NIBAN2: variants seen among roughly 807,000 people sequenced by gnomAD.
NIBAN2 encodes the protein niban apoptosis regulator 2.
In NIBAN2, 36 loss-of-function variants were observed where a neutral mutation model predicts 81.8. The ratio of observed to expected loss-of-function variants is 0.44; its 90% CI spans 0.34 to 0.58. The LOEUF is 0.58. Ranked by LOEUF, NIBAN2 falls within the 20% of genes least tolerant of loss-of-function variation. The pLI, the probability that NIBAN2 is intolerant of heterozygous loss-of-function variation, is 0.02. For missense variants in NIBAN2, 897 were observed against 1,014.1 expected (o/e 0.88, Z 1.57); for synonymous variants, 445 against 441.6 (o/e 1.01, Z -0.10).
At chr9:127,579,010 A>G, upstream of NIBAN2, 2 of 1,399,306 alleles carry the variant, frequency 1.4e-6, no homozygotes, top group African/African-American at 1.5e-5. Flanking sequence ...CGTCCTTGAG[A>G]GCTGTTTGCT....
chr9:127,531,189 AT>A (rs869064584), intron 2 of NIBAN2, among the ~76,000 whole-genome samples: 1 of 150,518 alleles, frequency 6.6e-6, no homozygotes. Flanking sequence ...AAAAAAAAAA[AT>A]TGAATAAGCC....
At chr9:127,551,544 T>A (rs2491104) in intron 1 of NIBAN2, among the ~76,000 whole-genome samples, 26,070 of 145,852 alleles carry the variant, frequency 0.18, 2,593 homozygotes, top group Non-Finnish European at 0.24. Context: ...AATAAAAATA[T>A]AAATAAATAA....
chr9:127,548,183 G>A (rs1299407459), intron 1 of NIBAN2, among the ~76,000 whole-genome samples: 1 of 152,134 alleles, frequency 6.6e-6, no homozygotes, highest in Non-Finnish European at 1.5e-5. Context: ...GACATGCTTG[G>A]GGTCCAATCT....
At chr9:127,571,640 G>A (rs1837946939), upstream of NIBAN2, among the ~76,000 whole-genome samples, 3 of 152,038 alleles carry the variant, frequency 2.0e-5, no homozygotes, top group Non-Finnish European at 4.4e-5. Flanking sequence ...AGGTTGCAGT[G>A]AGCCAAGATC....
rs1375200071 is a variant in NIBAN2 at position 127,517,829 on chromosome 9, C to T, written c.702G>A (p.Val234=). The T allele has an allele frequency of 1.2e-6, 2 of 1,612,786 alleles. No homozygotes were observed. Among genetic ancestry groups the T allele is most frequent in the South Asian group, 2.2e-5 (2 of 90,886 alleles). The part of the protein sequence containing the change: ...GTWEMLCGNE[V]QILSNLVMEE... Reference sequence around the variant, plus strand: ...TCACCAGCCCGTCTGGCCTCACCTGCACCTCGTTCCCACACAGCATCTCCC... The same window carrying T: ...TCACCAGCCCGTCTGGCCTCACCTGTACCTCGTTCCCACACAGCATCTCCC... The change falls in exon 6 of 14, where the codon GTG becomes GTA. Residue 234 remains valine (V), a synonymous_variant. Transcript: ENST00000373312. The surrounding 1 kb of genome is among the most constrained non-coding windows in gnomAD (Gnocchi z 4.0).
At chr9:127,515,773 T>TTGCA (rs1836819001) in intron 8 of NIBAN2, among the ~76,000 whole-genome samples, 1 of 151,436 alleles carries the variant, frequency 6.6e-6, no homozygotes, top group Non-Finnish European at 1.5e-5. Flanking sequence ...AGAGGCAAGG[T>TTGCA]TGCAGTGAGC....
rs1836670533 is a variant in NIBAN2, at chr9:127,508,878, T to C, written c.1317+98A>G. ...AGAGCGTGCCAGGCAAGCGTGGCTA[T>C]GGCATGACGGGACGGAGCAGAAGGG... On this transcript the variant is annotated intron_variant, in intron 10 of 13. Coordinates refer to ENST00000373312, the MANE Select transcript of NIBAN2 (RefSeq NM_022833.4). This position sits in a 1 kb window ranked among gnomAD's most constrained non-coding sequence, Gnocchi z 6.4. The C allele has an allele frequency of 7.3e-7, 1 of 1,368,270 alleles. No individual in the cohort carries two copies. The highest frequency in any genetic ancestry group is 1.4e-5 in the African/African-American group (1 of 69,612). 84.8% of individuals were successfully genotyped at this position (1,368,270 alleles called of 1,614,324 possible).
chr9:127,533,185 G>A lies in NIBAN2; in HGVS notation c.56-1407C>T, dbSNP rs150573984. On this transcript the variant is annotated intron_variant, in intron 1 of 13. Coordinates refer to ENST00000373312, the MANE Select transcript of NIBAN2 (RefSeq NM_022833.4). Reference sequence around the variant, plus strand: ...AAAAACAAAACAAAAGGCTGGGCACGGTGGCTTAGGCCTGTAATCCCAGCA... The same window carrying A: ...AAAAACAAAACAAAAGGCTGGGCACAGTGGCTTAGGCCTGTAATCCCAGCA... Among the ~76,000 whole-genome samples the A allele has an allele frequency of 4.0e-3, 602 of 151,846 alleles. 5 individuals carry two copies. Among genetic ancestry groups the A allele is most frequent in the East Asian group, 0.017 (85 of 5,128 alleles).
intron 1 of NIBAN2, among the ~76,000 whole-genome samples, chr9:127,538,201 G>A (rs1837313576): frequency 6.6e-6 from 1 of 152,114 alleles, no homozygotes; most frequent in Admixed American, 6.5e-5. Flanking sequence ...CTGGAACCCT[G>A]TCTCCAAGGG....
chr9:127,508,912 G>A lies in NIBAN2; in HGVS notation c.1317+64C>T. 2 of 1,585,248 alleles carry A rather than the reference G, an allele frequency of 1.3e-6. No individual in the cohort carries two copies. The highest frequency in any genetic ancestry group is 1.7e-6 in the Non-Finnish European group (2 of 1,156,854). On this transcript the variant is annotated intron_variant, in intron 10 of 13. Transcript: ENST00000373312. This position sits in a 1 kb window ranked among gnomAD's most constrained non-coding sequence, Gnocchi z 6.4. ...GGGACGGAGCAGAAGGGACCCCCTG[G>A]GCGAGGGGGCCTGTGGAAGGCAGTG... is the stretch of plus-strand genomic sequence containing the variant.
chr9:127,507,194 A>G lies in NIBAN2; in HGVS notation c.1892T>C (p.Val631Ala), dbSNP rs2132147201. Residue 631 changes from valine to alanine, a missense_variant, in exon 14 of 14, where the codon GTG becomes GCG. By Grantham distance (64) the Val-to-Ala change is moderately conservative. Coordinates refer to ENST00000373312, the MANE Select transcript of NIBAN2 (RefSeq NM_022833.4). The surrounding 1 kb of genome is among the most constrained non-coding windows in gnomAD (Gnocchi z 6.8). Reference protein sequence around the residue: ...QVVSVVQDEEVGLPFEASPES... With the variant: ...QVVSVVQDEEAGLPFEASPES... Reference sequence around the variant, plus strand: ...AGGGCTAGCCTCAAAGGGCAGCCCCACCTCCTCATCCTGGACCACAGAGAC... The same window carrying G: ...AGGGCTAGCCTCAAAGGGCAGCCCCGCCTCCTCATCCTGGACCACAGAGAC... The G allele has an allele frequency of 1.9e-6, 3 of 1,612,134 alleles. No individual in the cohort carries two copies. The highest frequency in any genetic ancestry group is 2.5e-6 in the Non-Finnish European group (3 of 1,179,580).
Position 127,506,917 on chromosome 9 carries a change from C to T in NIBAN2, c.2169G>A (p.Val723=). 1.9e-6 allele frequency: 3 copies of T among 1,612,128 alleles called. No individual in the cohort carries two copies. The highest frequency in any genetic ancestry group is 1.7e-6 in the Non-Finnish European group (2 of 1,179,336). ...GGGCGGGGTGGCTGCTGGGGCTGGA[C>T]ACCTGCTCTCCAGTCTCCTGGTCGC... is the stretch of plus-strand genomic sequence containing the variant. ...KPSDQETGEQ[V]SSPSSHPALH... Residue 723 remains valine, a synonymous_variant, in exon 14 of 14, where the codon GTG becomes GTA. Transcript: ENST00000373312.
At chr9:127,515,507 C>A (rs1411402298) in intron 8 of NIBAN2, among the ~76,000 whole-genome samples, 1 of 119,710 alleles carries the variant, frequency 8.4e-6, no homozygotes, top group South Asian at 2.6e-4. Context: ...GGCGACAGAG[C>A]GAGACTCCGT....
At chr9:127,573,449 C>CCTT (rs35326378), upstream of NIBAN2, among the ~76,000 whole-genome samples, 1 of 146,202 alleles carries the variant, frequency 6.8e-6, no homozygotes, top group Non-Finnish European at 1.5e-5. Context: ...GTTATTTGCC[C>CCTT]TTTTTTTTTT....
At chr9:127,510,367 C>CACAGG (rs765003445) in intron 8 of NIBAN2, 34 bp from the exon 9 acceptor site, 2 of 1,545,640 alleles carry the variant, frequency 1.3e-6, no homozygotes, top group Non-Finnish European at 1.8e-6. Flanking sequence ...AGCAGGGGCT[C>CACAGG]CCCAAGGAGC....
chr9:127,575,773 G>A (rs61237579), intron 1 of NIBAN2, among the ~76,000 whole-genome samples: 49 of 151,518 alleles, frequency 3.2e-4, no homozygotes, highest in African/African-American at 1.2e-3. Flanking sequence ...CAGGTGATCC[G>A]CCCGCCTTGG....
At position 127,517,664 on chromosome 9, in the gene NIBAN2, T is replaced by A. The variant is rs1388975554; in HGVS notation, c.705+162A>T. Among the ~76,000 whole-genome samples the A allele has an allele frequency of 6.6e-6, 1 of 152,044 alleles. No individual in the cohort carries two copies. Among genetic ancestry groups the A allele is most frequent in the African/African-American group, 2.4e-5 (1 of 41,376 alleles). On this transcript the variant is annotated intron_variant, in intron 6 of 13. Coordinates refer to ENST00000373312, the MANE Select transcript of NIBAN2 (RefSeq NM_022833.4). This position sits in a 1 kb window ranked among gnomAD's most constrained non-coding sequence, Gnocchi z 4.0. ...TAAGTGATGAATAAGACAGCGAGTA[T>A]CTCCACGTGCACTGGCCCTGCACTT...
chr9:127,567,837 T>A (rs1837885920), intron 1 of NIBAN2, among the ~76,000 whole-genome samples: 1 of 152,062 alleles, frequency 6.6e-6, no homozygotes, highest in South Asian at 2.1e-4. Context: ...AACAACTCAT[T>A]AATAAGGAAG....
In NIBAN2 at chr9:127,506,696, C is replaced by CA; in HGVS notation, c.*148dup. ...GTTGACTGAACCCAATAAAGTGACT[C>CA]AGGTGGGCCCGCTCCCTGGCGGTGC... On this transcript the variant is annotated 3_prime_UTR_variant, in exon 14 of 14. Coordinates refer to ENST00000373312, the MANE Select transcript of NIBAN2 (RefSeq NM_022833.4). 1 of 566,090 alleles carries CA rather than the reference C, an allele frequency of 1.8e-6. No individual in the cohort carries two copies. Among genetic ancestry groups the CA allele is most frequent in the Non-Finnish European group, 3.0e-6 (1 of 336,438 alleles). 35.1% of individuals were successfully genotyped at this position (566,090 alleles called of 1,614,324 possible).
Sources: allele counts gnomAD v4.1 joint callset (sites outside exome capture counted in the v4.1 genomes callset), GRCh38; gene constraint gnomAD v4.1.1; non-coding constraint Gnocchi (gnomAD v3.1); transcripts MANE v1.5; gene names NCBI Gene and HGNC (gene_info 2026-07-23, HGNC 2026-07-21).